Variants in COL1A1 observed in about 807,000 individuals in gnomAD.
The protein encoded by COL1A1 is collagen alpha-1(I) chain.
Under a neutral mutation model 195.7 loss-of-function variants are expected in COL1A1, and 21 were observed. The observed-to-expected ratio is 0.11, with a 90% CI of 0.08 to 0.15. COL1A1 has a LOEUF of 0.15. Among genes scored for constraint, COL1A1 ranks in the 10% least tolerant of loss-of-function variants. The pLI is 1.00. For missense variants in COL1A1, 1,365 were observed against 2,051.0 expected (o/e 0.67, Z 6.46); for synonymous variants, 749 against 747.3 (o/e 1.00, Z -0.04).
At chr17:50,201,332 G>T (rs1355192332) in intron 1 of COL1A1, 79 bp downstream of exon 1, 7 of 1,332,722 alleles carry the variant, frequency 5.3e-6, no homozygotes, top group Admixed American at 3.8e-5. Flanking sequence ...TCCACGTCTC[G>T]TTTTAAGCCG....
rs750102052 is a variant in COL1A1, at chr17:50,191,963, G to A, written c.2028+17C>T. Reference sequence around the variant, plus strand: ...TACGACGCACCTTGACGGATGCAGCGAGAGAGGCCTACTTACTCTTGCTCC... The same window carrying A: ...TACGACGCACCTTGACGGATGCAGCAAGAGAGGCCTACTTACTCTTGCTCC... On this transcript the variant is annotated intron_variant, in intron 30 of 50. Transcript: ENST00000225964. The A allele has an allele frequency of 1.7e-5, 27 of 1,612,252 alleles. No individual in the cohort carries two copies. Among genetic ancestry groups the A allele is most frequent in the African/African-American group, 4.0e-5 (3 of 74,870 alleles).
Position 50,186,935 on chromosome 17 carries a change from G to A in COL1A1, c.3532-13C>T, listed in dbSNP as rs369694934. The A allele has an allele frequency of 1.2e-5, 20 of 1,613,360 alleles. No homozygotes were observed. In the East Asian group the frequency reaches 3.6e-4, roughly 29 times the overall value. On this transcript the variant is annotated splice_polypyrimidine_tract_variant and intron_variant, in intron 47 of 50. Transcript: ENST00000225964. The surrounding 1 kb of genome is among the most constrained non-coding windows in gnomAD (Gnocchi z 5.3). ...GGCCGGGGGGACCCTGCACAGAGAG[G>A]GAAGAGAGTGGGGATTACCGGCATC...
chr17:50,190,676 T>C lies in COL1A1; in HGVS notation c.2344-80A>G. 6.5e-7 allele frequency: 1 copy of C among 1,534,228 alleles called. No homozygotes were observed. The highest frequency in any genetic ancestry group is 2.3e-5 in the East Asian group (1 of 44,288). ...TAGATGACCCCAGGAGAGCCTCCCC[T>C]CCTTCTGGTCCCTCCAGGTTCCCAG... On this transcript the variant is annotated intron_variant, in intron 33 of 50. Transcript: ENST00000225964. This position sits in a 1 kb window ranked among gnomAD's most constrained non-coding sequence, Gnocchi z 4.7.
intron 5 of COL1A1, among the ~76,000 whole-genome samples, 198 bp downstream of exon 5, chr17:50,199,028 A>G (rs1445432355): frequency 6.6e-6 from 1 of 151,730 alleles, no homozygotes; most frequent in Non-Finnish European, 1.5e-5. Flanking sequence ...AACAGTTCAG[A>G]AAAAAAAAGA....
Position 50,189,147 on chromosome 17 carries a change from C to A in COL1A1, c.2937+21G>T. 13 of 1,612,028 alleles carry A rather than the reference C, an allele frequency of 8.1e-6. No homozygotes were observed. The highest frequency in any genetic ancestry group is 1.1e-5 in the Non-Finnish European group (13 of 1,178,362). On this transcript the variant is annotated intron_variant, in intron 40 of 50. Transcript: ENST00000225964. This position sits in a 1 kb window ranked among gnomAD's most constrained non-coding sequence, Gnocchi z 5.5. ...TGTGATGGTTTTTCTCAGGGCCCCC[C>A]AAGGTGAGGGGGGCACTTACAGAGG...
intron 1 of COL1A1, 82 bp from the exon 2 acceptor site, chr17:50,200,029 C>T (rs1907948416): frequency 6.9e-7 from 1 of 1,455,944 alleles, no homozygotes; most frequent in Admixed American, 1.7e-5. Context: ...CTAAGAGGCA[C>T]ACTTGGATTT....
At position 50,190,146 on chromosome 17, in the gene COL1A1, G is replaced by A. The variant is rs1277779587; in HGVS notation, c.2452-38C>T. ...GCAGGGCGGTGAATGGAGGGAAGGAGGCAGGAGTTTCCACTACCTGGGGGA... is the reference window on the plus strand; with the variant it reads ...GCAGGGCGGTGAATGGAGGGAAGGAAGCAGGAGTTTCCACTACCTGGGGGA... On this transcript the variant is annotated intron_variant, in intron 35 of 50. Coordinates refer to ENST00000225964, the MANE Select transcript of COL1A1 (RefSeq NM_000088.4). This position sits in a 1 kb window ranked among gnomAD's most constrained non-coding sequence, Gnocchi z 4.7. 3 of 1,565,600 alleles carry A rather than the reference G, an allele frequency of 1.9e-6. No individual in the cohort carries two copies. Among genetic ancestry groups the A allele is most frequent in the Admixed American group, 1.7e-5 (1 of 59,916 alleles).
rs1906751573 is a variant in COL1A1, at chr17:50,188,492, C to G, written c.3207+38G>C. The G allele has an allele frequency of 6.3e-7, 1 of 1,588,228 alleles. No individual in the cohort carries two copies. The highest frequency in any genetic ancestry group is 1.3e-5 in the African/African-American group (1 of 74,394). ...CTAAGGAGGCCTGAAGAGTCCCTGG[C>G]CTGACCAGGTACAGGGAACTGGAGC... On this transcript the variant is annotated intron_variant, in intron 43 of 50. Transcript: ENST00000225964. The surrounding 1 kb of genome is among the most constrained non-coding windows in gnomAD (Gnocchi z 5.6).
Position 50,189,799 on chromosome 17 carries a change from A to G in COL1A1, c.2613+60T>C. On this transcript the variant is annotated intron_variant, in intron 37 of 50. Coordinates refer to ENST00000225964, the MANE Select transcript of COL1A1 (RefSeq NM_000088.4). The surrounding 1 kb of genome is among the most constrained non-coding windows in gnomAD (Gnocchi z 5.5). ...CAACTCATCCGACCCAGCTGCCCTCACCTGCCACCGCTGCCTGGGGAGAGG... is the reference window on the plus strand; with the variant it reads ...CAACTCATCCGACCCAGCTGCCCTCGCCTGCCACCGCTGCCTGGGGAGAGG... 5 of 1,611,328 alleles carry G rather than the reference A, an allele frequency of 3.1e-6. No homozygotes were observed. The African/African-American group carries it at 5.3e-5, about 17-fold the overall frequency.
rs1447771894 is a variant in COL1A1, at chr17:50,185,630, C to T, written c.4267G>A (p.Gly1423Ser). 1.2e-6 allele frequency: 2 copies of T among 1,613,858 alleles called. No individual in the cohort carries two copies. The highest frequency in any genetic ancestry group is 1.1e-5 in the South Asian group (1 of 91,052). ...GTTTTGTATTCAATCACTGTCTTGC[C>T]CCAGGCTCCGGTGTGACTCTGGGGT... ...DGCTSHTGAW[G>S]KTVIEYKTTK... The change falls in exon 51 of 51, where the codon GGC (glycine) becomes AGC (serine). Residue 1423 changes from glycine to serine, a missense_variant. Coordinates refer to ENST00000225964, the MANE Select transcript of COL1A1 (RefSeq NM_000088.4).
rs540756728 is a variant in COL1A1 at position 50,190,488 on chromosome 17, G to T, written c.2397+55C>A. On this transcript the variant is annotated intron_variant, in intron 34 of 50. Transcript: ENST00000225964. This position sits in a 1 kb window ranked among gnomAD's most constrained non-coding sequence, Gnocchi z 4.7. ...AGGCACAGACAGGGCCAGGGGTGCT[G>T]TGTGAAGGGAGGGAAGGGCCAAGTA... The T allele has an allele frequency of 4.9e-5, 79 of 1,606,036 alleles. 1 individual carries two copies. The East Asian group carries it at 1.7e-3, about 34-fold the overall frequency.
In COL1A1 at chr17:50,193,083, A is replaced by G. The variant is rs1472150570; in HGVS notation, c.1768-36T>C. 3 of 1,609,754 alleles carry G rather than the reference A, an allele frequency of 1.9e-6. No individual in the cohort carries two copies. The African/African-American group carries it at 4.0e-5, about 22-fold the overall frequency. ...AGGGAGTTAGGGTTGAGGGGGCTGA[A>G]GTGAGAAGCCAGGGCCTCCTGGGGC... is the stretch of plus-strand genomic sequence containing the variant. On this transcript the variant is annotated intron_variant, in intron 25 of 50. Coordinates refer to ENST00000225964, the MANE Select transcript of COL1A1 (RefSeq NM_000088.4).
intron 31 of COL1A1, 109 bp from the exon 32 acceptor site, chr17:50,191,599 G>T: frequency 1.7e-6 from 2 of 1,211,684 alleles, no homozygotes; most frequent in Non-Finnish European, 2.4e-6. Flanking sequence ...CCAACGACAA[G>T]CCTTGAGAAA....
chr17:50,195,527 T>A lies in COL1A1; in HGVS notation c.1155+40A>T. The A allele has an allele frequency of 6.2e-7, 1 of 1,613,840 alleles. No individual in the cohort carries two copies. Among genetic ancestry groups the A allele is most frequent in the Non-Finnish European group, 8.5e-7 (1 of 1,179,910 alleles). On this transcript the variant is annotated intron_variant, in intron 17 of 50. Coordinates refer to ENST00000225964, the MANE Select transcript of COL1A1 (RefSeq NM_000088.4). This position sits in a 1 kb window ranked among gnomAD's most constrained non-coding sequence, Gnocchi z 4.3. ...CAGCAACAGGCAAGGACTCTGAGGT[T>A]AGAAAGTGGCAAAGGGGACACTGAG...
At chr17:50,197,829 A>G (rs756940999) in intron 8 of COL1A1, 44 bp from the exon 9 acceptor site, 4 of 1,603,404 alleles carry the variant, frequency 2.5e-6, no homozygotes, top group African/African-American at 2.7e-5. Flanking sequence ...ATAAGAAAAA[A>G]AGAAGGGGAA....
intron 1 of COL1A1, chr17:50,200,333 G>C: frequency 2.8e-6 from 1 of 360,066 alleles, no homozygotes; most frequent in East Asian, 6.5e-5. Context: ...TTGCGTGGTA[G>C]AGACAGGAGG....
In COL1A1 at chr17:50,190,745, C is replaced by T; in HGVS notation, c.2343+72G>A. 6.6e-7 allele frequency: 1 copy of T among 1,520,004 alleles called. No homozygotes were observed. The highest frequency in any genetic ancestry group is 9.1e-7 in the Non-Finnish European group (1 of 1,096,616). 94.2% of individuals were successfully genotyped at this position (1,520,004 alleles called of 1,614,324 possible). A position where few individuals can be genotyped will look rare whatever the true frequency, so the allele number is the denominator to read the frequency against. ...CAGGACCTGCTCTCCCAACGCAACC[C>T]CACGGAACCGTGCCCAGGCCTGCTG... On this transcript the variant is annotated intron_variant, in intron 33 of 50. Transcript: ENST00000225964. This position sits in a 1 kb window ranked among gnomAD's most constrained non-coding sequence, Gnocchi z 4.7.
Position 50,194,549 on chromosome 17 carries a change from C to T in COL1A1, c.1515+24G>A, listed in dbSNP as rs755442275. Reference sequence around the variant, plus strand: ...ATGCCCAGGGAGCGGCAGGGTCAGCCCCCCGGCCGCAAGGAGAGGTTACCT... The same window carrying T: ...ATGCCCAGGGAGCGGCAGGGTCAGCTCCCCGGCCGCAAGGAGAGGTTACCT... On this transcript the variant is annotated intron_variant, in intron 22 of 50. Transcript: ENST00000225964. This position sits in a 1 kb window ranked among gnomAD's most constrained non-coding sequence, Gnocchi z 6.8. 6.2e-7 allele frequency: 1 copy of T among 1,602,228 alleles called. No homozygotes were observed. Among genetic ancestry groups the T allele is most frequent in the Non-Finnish European group, 8.5e-7 (1 of 1,174,564 alleles).
In COL1A1 at chr17:50,186,058, T is replaced by C. The variant is rs781401626; in HGVS notation, c.4006-38A>G. 11 of 1,607,878 alleles carry C rather than the reference T, an allele frequency of 6.8e-6. No individual in the cohort carries two copies. Among genetic ancestry groups the C allele is most frequent in the Middle Eastern group, 1.7e-4 (1 of 5,842 alleles). ...GGAGAGAGGGAAGAGTGAGCCGCTATGCGGGAACCTCTAGTCCTGCCTGGC... is the reference window on the plus strand; with the variant it reads ...GGAGAGAGGGAAGAGTGAGCCGCTACGCGGGAACCTCTAGTCCTGCCTGGC... On this transcript the variant is annotated intron_variant, in intron 49 of 50. Transcript: ENST00000225964. The surrounding 1 kb of genome is among the most constrained non-coding windows in gnomAD (Gnocchi z 5.3).
Sources: gnomAD v4.1 joint callset for allele counts (sites outside exome capture counted in the v4.1 genomes callset) on GRCh38, gnomAD v4.1.1 for gene constraint, Gnocchi (gnomAD v3.1) non-coding constraint, MANE v1.5 for transcripts, NCBI Gene and HGNC (gene_info 2026-07-23, HGNC 2026-07-21) for gene names.